ADGRL3: variants seen among roughly 807,000 people sequenced by gnomAD.
ADGRL3 encodes calcium-independent alpha-latrotoxin receptor 3.
In ADGRL3, 62 loss-of-function variants were observed where a neutral mutation model predicts 153.5. The observed-to-expected ratio is 0.40, with a 90% CI of 0.33 to 0.50. The LOEUF is 0.50. Ranked by LOEUF, ADGRL3 falls within the 20% of genes least tolerant of loss-of-function variation. The pLI is 0.47. For synonymous variants in ADGRL3, 710 were observed against 672.5 expected, an observed-to-expected ratio of 1.06 and a Z score of -0.86; for missense variants, 1,641 against 1,859.4, an observed-to-expected ratio of 0.88 and a Z score of 2.16.
intron 1 of ADGRL3, among the ~76,000 whole-genome samples, chr4:61,299,783 T>C (rs1172549174): frequency 6.6e-6 from 1 of 152,190 alleles, no homozygotes; most frequent in Non-Finnish European, 1.5e-5. Context: ...TTTTCCCAGT[T>C]CTTGGCAAAA....
At chr4:61,308,100 A>G (rs543593278) in intron 1 of ADGRL3, among the ~76,000 whole-genome samples, 1 of 152,230 alleles carries the variant, frequency 6.6e-6, no homozygotes, top group African/African-American at 2.4e-5. Context: ...TGGGAAGAAA[A>G]AGTTGCTTAT....
chr4:61,657,821 C>T (rs980396980), intron 5 of ADGRL3, among the ~76,000 whole-genome samples: 1 of 152,152 alleles, frequency 6.6e-6, no homozygotes, highest in African/African-American at 2.4e-5. Flanking sequence ...CCAAGTTATT[C>T]CTTTTGACAT....
intron 2 of ADGRL3, among the ~76,000 whole-genome samples, chr4:61,417,352 G>A (rs1301454714): frequency 6.6e-6 from 1 of 152,060 alleles, no homozygotes; most frequent in Non-Finnish European, 1.5e-5. Flanking sequence ...CAGTCATGGT[G>A]GTGCGTATCT....
At chr4:61,419,990 C>T (rs1001385271) in intron 2 of ADGRL3, among the ~76,000 whole-genome samples, 1 of 151,528 alleles carries the variant, frequency 6.6e-6, no homozygotes, top group African/African-American at 2.4e-5. Context: ...TTGGTAGAGA[C>T]GGAGTTTCAC....
intron 17 of ADGRL3, among the ~76,000 whole-genome samples, chr4:61,955,626 A>G (rs2150397300): frequency 6.6e-6 from 1 of 152,182 alleles, no homozygotes; most frequent in South Asian, 2.1e-4. Context: ...TTACATAGGT[A>G]TATTTGTGCC....
intron 25 of ADGRL3, among the ~76,000 whole-genome samples, chr4:62,052,893 A>T (rs1734961889): frequency 6.6e-6 from 1 of 151,330 alleles, no homozygotes. Context: ...TATATATTTC[A>T]GTTGAAATTT....
intron 9 of ADGRL3, among the ~76,000 whole-genome samples, chr4:61,860,775 T>G (rs1581186535): frequency 6.6e-6 from 1 of 152,326 alleles, no homozygotes; most frequent in East Asian, 1.9e-4. Context: ...GTTTTATACT[T>G]TCTCATTTAA....
At chr4:61,262,585 T>G (rs2092602687) in intron 1 of ADGRL3, among the ~76,000 whole-genome samples, 2 of 152,262 alleles carry the variant, frequency 1.3e-5, no homozygotes, top group Admixed American at 1.3e-4. Flanking sequence ...CCGGAACTTC[T>G]CTGGTCTCTT....
intron 1 of ADGRL3, among the ~76,000 whole-genome samples, chr4:61,232,280 C>A (rs1577926674): frequency 2.0e-5 from 3 of 151,578 alleles, no homozygotes; most frequent in African/African-American, 7.3e-5. Flanking sequence ...AGTTTGAATT[C>A]CAGTTTTACC....
At chr4:62,068,115 T>C in intron 25 of ADGRL3, 51 bp from the exon 26 acceptor site, 1 of 1,320,386 alleles carries the variant, frequency 7.6e-7, no homozygotes, top group East Asian at 2.4e-5. Context: ...CTACTGTCGC[T>C]GTAAGCTTAC....
intron 5 of ADGRL3, among the ~76,000 whole-genome samples, chr4:61,616,006 C>T (rs1467761453): frequency 2.0e-5 from 3 of 151,902 alleles, no homozygotes; most frequent in South Asian, 2.1e-4. Context: ...CTGGCTATTT[C>T]GTTAGATTCA....
At chr4:61,369,510 C>T (rs1186155890) in intron 1 of ADGRL3, among the ~76,000 whole-genome samples, 1 of 152,042 alleles carries the variant, frequency 6.6e-6, no homozygotes, top group Non-Finnish European at 1.5e-5. Context: ...GTCTTTGGCT[C>T]TGTTTATATG....
At chr4:61,607,138 T>C (rs903438031) in intron 5 of ADGRL3, among the ~76,000 whole-genome samples, 9 of 152,008 alleles carry the variant, frequency 5.9e-5, no homozygotes, top group Admixed American at 5.9e-4. Flanking sequence ...GACTAGGGAA[T>C]GGGTGCTGCT....
chr4:61,647,006 A>T (rs2094029286), intron 5 of ADGRL3, among the ~76,000 whole-genome samples: 1 of 152,166 alleles, frequency 6.6e-6, no homozygotes, highest in Non-Finnish European at 1.5e-5. Context: ...CGGTAGGAAA[A>T]GCGCAGTCTT....
chr4:61,476,708 TAAAAAAAAAAAAAAAAAAA>T lies in ADGRL3; in HGVS notation c.-173-20401_-173-20383del, dbSNP rs34866230. On this transcript the variant is annotated intron_variant, in intron 2 of 26. Transcript: ENST00000683033. ...TGGGCAACAAGAGCAAGACTCTGTC[TAAAAAAAAAAAAAAAAAAA>T]AAAAAAAAAAACAAAAAAACATAGA... Among the ~76,000 whole-genome samples the T allele has an allele frequency of 3.0e-3, 101 of 33,590 alleles. 1 individual carries two copies. Among genetic ancestry groups the T allele is most frequent in the Middle Eastern group, 0.038 (1 of 26 alleles). 22.0% of individuals were successfully genotyped at this position (33,590 alleles called of 152,430 possible).
intron 1 of ADGRL3, among the ~76,000 whole-genome samples, chr4:61,255,299 T>A (rs1053237728): frequency 6.6e-6 from 1 of 152,178 alleles, no homozygotes; most frequent in Admixed American, 6.5e-5. Flanking sequence ...GCGCTAGAGT[T>A]TTCGAAATGA....
At chr4:61,303,938 G>A (rs1228690126) in intron 1 of ADGRL3, among the ~76,000 whole-genome samples, 1 of 152,132 alleles carries the variant, frequency 6.6e-6, no homozygotes, top group Non-Finnish European at 1.5e-5. Context: ...ATACAACCCA[G>A]AATCTCTGTC....
rs59712885 is a variant in ADGRL3, at chr4:61,839,785, GA to G, written c.1480+25906del. On this transcript the variant is annotated intron_variant, in intron 9 of 26. Transcript: ENST00000683033. Reference sequence around the variant, plus strand: ...CCTGTCTCTGCCCACCCCTCCCCCCGAAAAAAAAAATTAAATTTGCTGTACA... The same window carrying G: ...CCTGTCTCTGCCCACCCCTCCCCCCGAAAAAAAAATTAAATTTGCTGTACA... Among the ~76,000 whole-genome samples, 74 of 147,030 alleles carry G rather than the reference GA, an allele frequency of 5.0e-4. 1 individual carries two copies. The South Asian group carries it at 6.7e-3, about 13-fold the overall frequency.
intron 6 of ADGRL3, among the ~76,000 whole-genome samples, chr4:61,697,191 T>C (rs1028874799): frequency 3.9e-5 from 6 of 152,168 alleles, no homozygotes; most frequent in East Asian, 3.8e-4. Context: ...ATAACTATTA[T>C]GATGGATGGG....
Sources: allele counts gnomAD v4.1 joint callset (sites outside exome capture counted in the v4.1 genomes callset), GRCh38; gene constraint gnomAD v4.1.1; transcripts MANE v1.5; gene names NCBI Gene and HGNC (gene_info 2026-07-23, HGNC 2026-07-21).